Variants in CTNNA3 observed in about 807,000 individuals in gnomAD.
CTNNA3 encodes the protein catenin alpha-3.
A neutral mutation model predicts 95.7 loss-of-function variants in CTNNA3; 76 were observed. That is an observed-to-expected ratio of 0.79 (90% CI 0.66 to 0.96). The LOEUF is 0.96. CTNNA3 is among the 40% of genes least tolerant of loss of function. The pLI, the probability that CTNNA3 is intolerant of heterozygous loss-of-function variation, is 0.00. For missense variants in CTNNA3, 1,191 were observed against 1,089.8 expected, an observed-to-expected ratio of 1.09 and a Z score of -1.31; for synonymous variants, 431 against 374.4, an observed-to-expected ratio of 1.15 and a Z score of -1.74.
intron 5 of CTNNA3, among the ~76,000 whole-genome samples, chr10:67,313,629 T>C (rs569171763): frequency 6.6e-6 from 1 of 152,188 alleles, no homozygotes; most frequent in East Asian, 1.9e-4. Context: ...TTTGTGGCAA[T>C]GCCAATTAGT....
chr10:66,716,550 A>G (rs967717383), intron 9 of CTNNA3, among the ~76,000 whole-genome samples: 2 of 152,170 alleles, frequency 1.3e-5, no homozygotes, highest in Non-Finnish European at 2.9e-5. Context: ...ATTAACCACG[A>G]GAGTGAATGT....
intron 13 of CTNNA3, among the ~76,000 whole-genome samples, chr10:66,246,946 G>A (rs549306101): frequency 9.2e-5 from 14 of 151,452 alleles, no homozygotes; most frequent in South Asian, 8.3e-4. Flanking sequence ...CCAGTTACTC[G>A]GGAGGCTGAA....
At chr10:66,083,704 C>T (rs920305589) in intron 14 of CTNNA3, among the ~76,000 whole-genome samples, 3 of 152,082 alleles carry the variant, frequency 2.0e-5, no homozygotes, top group Non-Finnish European at 4.4e-5. Context: ...CATCGTATAT[C>T]CATTACTGAT....
chr10:67,708,259 T>A (rs1035970685), intron 1 of CTNNA3, among the ~76,000 whole-genome samples: 6 of 152,180 alleles, frequency 3.9e-5, no homozygotes, highest in Admixed American at 2.6e-4. Flanking sequence ...GTCAATCATG[T>A]CTGCTTTAGT....
intron 15 of CTNNA3, among the ~76,000 whole-genome samples, chr10:66,032,377 A>G (rs2079467017): frequency 6.6e-6 from 1 of 152,164 alleles, no homozygotes; most frequent in Non-Finnish European, 1.5e-5. Flanking sequence ...TAACTATGAA[A>G]TTAAAACACA....
At chr10:66,036,899 G>A (rs1366950102) in intron 15 of CTNNA3, among the ~76,000 whole-genome samples, 1 of 114,546 alleles carries the variant, frequency 8.7e-6, no homozygotes, top group Non-Finnish European at 1.7e-5. Context: ...TTGAGACTGA[G>A]TCTCGCCCTG....
Position 67,662,831 on chromosome 10 carries a change from A to G in CTNNA3, c.-5-15313T>C, listed in dbSNP as rs182084732. On this transcript the variant is annotated intron_variant, in intron 1 of 17. Transcript: ENST00000433211. ...AGAACTCATCAAACTGTAAACTTTA[A>G]AGGAGTGAATTTAATATGGTATATA... 2.6e-5 allele frequency among the ~76,000 whole-genome samples: 4 copies of G among 152,272 alleles called. No individual in the cohort carries two copies. In the East Asian group the frequency reaches 7.7e-4, roughly 29 times the overall value.
chr10:66,709,276 G>A (rs1848216419), intron 9 of CTNNA3, among the ~76,000 whole-genome samples: 1 of 152,010 alleles, frequency 6.6e-6, no homozygotes, highest in African/African-American at 2.4e-5. Flanking sequence ...CTTGGATGTG[G>A]CACAGGAAAA....
intron 12 of CTNNA3, among the ~76,000 whole-genome samples, chr10:66,306,098 G>A (rs1194104679): frequency 6.6e-6 from 1 of 152,116 alleles, no homozygotes; most frequent in Non-Finnish European, 1.5e-5. Flanking sequence ...CATACCTAAA[G>A]GGTTAGAAAA....
chr10:66,543,921 A>G (rs1371005293), intron 10 of CTNNA3, among the ~76,000 whole-genome samples: 3 of 31,468 alleles, frequency 9.5e-5, no homozygotes, highest in African/African-American at 2.5e-4. Context: ...GTATATATAT[A>G]TATATATATA....
chr10:66,361,757 C>CT (rs938937486), intron 12 of CTNNA3, among the ~76,000 whole-genome samples: 51 of 152,034 alleles, frequency 3.4e-4, no homozygotes, highest in African/African-American at 1.2e-3. Flanking sequence ...AGGCTGGTCT[C>CT]AAACTCCTGG....
At chr10:67,158,317 C>T (rs929721032) in intron 7 of CTNNA3, among the ~76,000 whole-genome samples, 2 of 151,956 alleles carry the variant, frequency 1.3e-5, no homozygotes, top group Non-Finnish European at 2.9e-5. Context: ...CACAAGATGG[C>T]TCATGGGAAT....
intron 7 of CTNNA3, among the ~76,000 whole-genome samples, chr10:66,988,005 C>G (rs1348891577): frequency 6.6e-6 from 1 of 152,044 alleles, no homozygotes; most frequent in African/African-American, 2.4e-5. Context: ...TAATCATATG[C>G]TTTAGTATCA....
chr10:67,694,617 C>G (rs926131308), intron 1 of CTNNA3, among the ~76,000 whole-genome samples: 4 of 151,948 alleles, frequency 2.6e-5, no homozygotes, highest in Non-Finnish European at 5.9e-5. Context: ...TTCACTTGAA[C>G]AAATGTTACA....
At chr10:67,659,004 T>G (rs1303955918) in intron 1 of CTNNA3, among the ~76,000 whole-genome samples, 1 of 151,980 alleles carries the variant, frequency 6.6e-6, no homozygotes, top group Non-Finnish European at 1.5e-5. Context: ...ATGAAAAGAT[T>G]CAAACAAAAT....
intron 15 of CTNNA3, among the ~76,000 whole-genome samples, chr10:66,030,273 A>T (rs1564589829): frequency 6.6e-6 from 1 of 152,330 alleles, no homozygotes; most frequent in Middle Eastern, 3.4e-3. Flanking sequence ...AGCAATCCTA[A>T]GCAAAAAGAA....
intron 5 of CTNNA3, among the ~76,000 whole-genome samples, chr10:67,409,520 G>A (rs1227419514): frequency 6.6e-6 from 1 of 152,056 alleles, no homozygotes; most frequent in African/African-American, 2.4e-5. Flanking sequence ...TCACTTATAA[G>A]TGGGAGGTGA....
chr10:66,711,550 T>C (rs1157283452), intron 9 of CTNNA3, among the ~76,000 whole-genome samples: 4 of 152,014 alleles, frequency 2.6e-5, no homozygotes, highest in Admixed American at 2.6e-4. Flanking sequence ...TTTTCTTTTT[T>C]CTTTTTTTGT....
At position 66,965,946 on chromosome 10, in the gene CTNNA3, T is replaced by C. The variant is rs73331678; in HGVS notation, c.1048-190422A>G. Among the ~76,000 whole-genome samples, 1,085 of 152,308 alleles carry C rather than the reference T, an allele frequency of 7.1e-3. 12 individuals are homozygous for C. Among genetic ancestry groups the C allele is most frequent in the African/African-American group, 0.025 (1,036 of 41,564 alleles). On this transcript the variant is annotated intron_variant, in intron 7 of 17. Coordinates refer to ENST00000433211, the MANE Select transcript of CTNNA3 (RefSeq NM_013266.4). Reference sequence around the variant, plus strand: ...CCTGTTGTTTGCTTTGCAAGCACTATATAAGTCTGGAGAGGGGCCTGAAAT... The same window carrying C: ...CCTGTTGTTTGCTTTGCAAGCACTACATAAGTCTGGAGAGGGGCCTGAAAT...
Sources: gnomAD v4.1 joint callset for allele counts (sites outside exome capture counted in the v4.1 genomes callset) on GRCh38, gnomAD v4.1.1 for gene constraint, MANE v1.5 for transcripts, NCBI Gene and HGNC (gene_info 2026-07-23, HGNC 2026-07-21) for gene names.